The following D2HGDH variants were observed in gnomAD, a reference collection of about 807,000 sequenced individuals.
D2HGDH encodes the protein D-2-hydroxyglutarate dehydrogenase, mitochondrial.
In D2HGDH, 31 loss-of-function variants were observed where a neutral mutation model predicts 46.9. That is an observed-to-expected ratio of 0.66 (90% CI 0.50 to 0.89). The LOEUF (loss-of-function observed/expected upper bound fraction) is 0.89, where lower values mean the gene tolerates loss of function less well. Among genes scored for constraint, D2HGDH ranks in the 40% least tolerant of loss-of-function variants. The pLI is 0.00. For synonymous variants in D2HGDH, 364 were observed against 332.6 expected (o/e 1.09, Z -1.03); for missense variants, 698 against 720.8 (o/e 0.97, Z 0.36).
At chr2:241,745,416 G>A (rs899016799) in intron 6 of D2HGDH, among the ~76,000 whole-genome samples, 7 of 152,136 alleles carry the variant, frequency 4.6e-5, no homozygotes, top group Admixed American at 1.3e-4. Flanking sequence ...TGAATCGGGC[G>A]GGTTTATCCA....
At chr2:241,735,640 G>A in intron 2 of D2HGDH, 124 bp downstream of exon 2, 1 of 1,356,456 alleles carries the variant, frequency 7.4e-7, no homozygotes, top group Non-Finnish European at 1.0e-6. Context: ...TGCGCTGAGA[G>A]GGGCGTGTGC....
Position 241,748,826 on chromosome 2 carries a change from G to A in D2HGDH, c.854-1325G>A, listed in dbSNP as rs1575269089. 3.3e-6 allele frequency: 4 copies of A among 1,203,146 alleles called. 1 individual carries two copies. The South Asian group carries it at 5.8e-5, about 17-fold the overall frequency. 74.5% of individuals were successfully genotyped at this position (1,203,146 alleles called of 1,614,324 possible). A position where few individuals can be genotyped will look rare whatever the true frequency, so the allele number is the denominator to read the frequency against. The stretch of plus-strand genomic sequence containing the variant: ...TGGATCGGTGGTTCCTCTTCATCCA[G>A]GTTTTCTGTGTTCTGCTCTGATCCC... On this transcript the variant is annotated intron_variant, in intron 6 of 9. Coordinates refer to ENST00000321264, the MANE Select transcript of D2HGDH (RefSeq NM_152783.5).
intron 3 of D2HGDH, among the ~76,000 whole-genome samples, chr2:241,741,922 C>T (rs532225722): frequency 1.6e-4 from 25 of 152,290 alleles, no homozygotes; most frequent in Non-Finnish European, 3.2e-4. Context: ...TTCCTTTTCC[C>T]AGAGCACGGA....
chr2:241,750,400 G>GGGGGT, intron 7 of D2HGDH, 106 bp downstream of exon 7: 1 of 1,113,528 alleles, frequency 9.0e-7, no homozygotes, highest in Non-Finnish European at 1.3e-6. Flanking sequence ...TGCCCGGGCG[G>GGGGGT]GCGGGTGGGG....
Position 241,751,114 on chromosome 2 carries a change from G to A in D2HGDH, c.998-132G>A, listed in dbSNP as rs915514883. On this transcript the variant is annotated intron_variant, in intron 7 of 9. Transcript: ENST00000321264. ...GCTTAACCAGAGAGCTGTGTGCTCC[G>A]CAGGCTGCCTGGGTCCTTCTTGGCC... The A allele has an allele frequency of 2.0e-5, 25 of 1,257,824 alleles. No homozygotes were observed. The East Asian group carries it at 3.9e-4, about 20-fold the overall frequency. The allele number at this position is 1,257,824 out of a possible 1,614,324, so 77.9% of individuals were successfully genotyped here.
intron 9 of D2HGDH, among the ~76,000 whole-genome samples, chr2:241,764,316 C>T (rs1045284457): frequency 6.6e-6 from 1 of 152,202 alleles, no homozygotes; most frequent in Non-Finnish European, 1.5e-5. Context: ...GGGATGGACC[C>T]TGCAGCTACA....
rs1481039972 is a variant in D2HGDH at position 241,767,690 on chromosome 2, A to T, written c.1307-20A>T. On this transcript the variant is annotated intron_variant, in intron 9 of 9. Transcript: ENST00000321264. The stretch of plus-strand genomic sequence containing the variant: ...GGGGCTGCCCTGCCCAGCCTGACCC[A>T]TGTGCCCTTGTCCCTCCAGGAGATG... 6.2e-7 allele frequency: 1 copy of T among 1,612,352 alleles called. No individual in the cohort carries two copies. The highest frequency in any genetic ancestry group is 8.5e-7 in the Non-Finnish European group (1 of 1,179,412).
intron 9 of D2HGDH, among the ~76,000 whole-genome samples, chr2:241,756,926 C>A (rs1242160250): frequency 6.6e-6 from 1 of 152,092 alleles, no homozygotes; most frequent in Non-Finnish European, 1.5e-5. Context: ...GGCTTTGGGG[C>A]CTGACAGATA....
At chr2:241,736,526 T>G (rs1255443486) in intron 2 of D2HGDH, among the ~76,000 whole-genome samples, 1 of 151,828 alleles carries the variant, frequency 6.6e-6, no homozygotes, top group Non-Finnish European at 1.5e-5. Flanking sequence ...TCTGCCTCTG[T>G]TTTTCATACA....
chr2:241,735,585 C>T, intron 2 of D2HGDH, 69 bp downstream of exon 2: 1 of 1,583,354 alleles, frequency 6.3e-7, no homozygotes, highest in Non-Finnish European at 8.5e-7. Context: ...GTGGAGGCTT[C>T]AAAGCGGGCT....
chr2:241,735,172 C>G lies in D2HGDH; in HGVS notation c.-53C>G. 2 of 1,455,582 alleles carry G rather than the reference C, an allele frequency of 1.4e-6. No homozygotes were observed. The highest frequency in any genetic ancestry group is 1.8e-6 in the Non-Finnish European group (2 of 1,115,330). The allele number at this position is 1,455,582 out of a possible 1,614,324, so 90.2% of individuals were successfully genotyped here. On this transcript the variant is annotated 5_prime_UTR_variant, in exon 2 of 10. Transcript: ENST00000321264. ...GCTCCCTGCCCTTCCCCTCCGGGCC[C>G]TGAGTACCGGCCCCCCACCAAGGAG... is the stretch of plus-strand genomic sequence containing the variant.
In D2HGDH at chr2:241,746,744, C is replaced by T. The variant is rs184020446; in HGVS notation, c.853+1867C>T. Among the ~76,000 whole-genome samples, 201 of 152,022 alleles carry T rather than the reference C, an allele frequency of 1.3e-3. 1 individual carries two copies. The highest frequency in any genetic ancestry group is 9.8e-3 in the South Asian group (47 of 4,812). On this transcript the variant is annotated intron_variant, in intron 6 of 9. Transcript: ENST00000321264. ...CTCTACTAAAAATACAAAAATTAGC[C>T]GGGCATGGTGGTGGACGCCTGTAAT...
chr2:241,742,213 G>A lies in D2HGDH; in HGVS notation c.351-222G>A, dbSNP rs1227015152. Among the ~76,000 whole-genome samples, 2 of 152,160 alleles carry A rather than the reference G, an allele frequency of 1.3e-5. No individual in the cohort carries two copies. The highest frequency in any genetic ancestry group is 2.9e-5 in the Non-Finnish European group (2 of 68,022). ...GGAAGCCTTGTAGGACGTCAGAATC[G>A]GGGCCTCCACTTCCGTCTCCCTGTG... is the stretch of plus-strand genomic sequence containing the variant. On this transcript the variant is annotated intron_variant, in intron 3 of 9. Coordinates refer to ENST00000321264, the MANE Select transcript of D2HGDH (RefSeq NM_152783.5). The surrounding 1 kb of genome is among the most constrained non-coding windows in gnomAD (Gnocchi z 4.8).
chr2:241,741,673 C>T (rs896677413), intron 3 of D2HGDH, among the ~76,000 whole-genome samples: 10 of 132,160 alleles, frequency 7.6e-5, no homozygotes, highest in Non-Finnish European at 1.2e-4. Flanking sequence ...GTGGGGCTTG[C>T]TGTCTCCAGG....
intron 9 of D2HGDH, 49 bp from the exon 10 acceptor site, chr2:241,767,661 C>T: frequency 6.2e-7 from 1 of 1,610,458 alleles, no homozygotes; most frequent in Non-Finnish European, 8.5e-7. Flanking sequence ...GGAGTGGGGT[C>T]CTGGGGGCTG....
rs1302313894 is a variant in D2HGDH, at chr2:241,768,142, G to A, written c.*173G>A. 9.6e-7 allele frequency: 1 copy of A among 1,038,776 alleles called. No individual in the cohort carries two copies. The highest frequency in any genetic ancestry group is 1.4e-6 in the Non-Finnish European group (1 of 738,864). The allele number at this position is 1,038,776 out of a possible 1,614,324, so 64.3% of individuals were successfully genotyped here. A position where few individuals can be genotyped will look rare whatever the true frequency, so the allele number is the denominator to read the frequency against. On this transcript the variant is annotated 3_prime_UTR_variant, in exon 10 of 10. Transcript: ENST00000321264. ...GCCGGACGCAGGCCCTCGGGCAGGAGCATCTGGCAGAGTGGGGGGCGTGGC... is the reference window on the plus strand; with the variant it reads ...GCCGGACGCAGGCCCTCGGGCAGGAACATCTGGCAGAGTGGGGGGCGTGGC...
chr2:241,739,110 C>T (rs575066159), intron 2 of D2HGDH, among the ~76,000 whole-genome samples: 2 of 152,246 alleles, frequency 1.3e-5, no homozygotes, highest in African/African-American at 2.4e-5. Flanking sequence ...CCCCCATGGC[C>T]CCCTCCGTCT....
chr2:241,750,221 T>G lies in D2HGDH; in HGVS notation c.924T>G (p.Ser308=), dbSNP rs761427826. Reference sequence around the variant, plus strand: ...AGGGGATGCTGGGTGAGATCCTGTCTGCATTCGAGTTCATGGATGCTGTGT... The same window carrying G: ...AGGGGATGCTGGGTGAGATCCTGTCGGCATTCGAGTTCATGGATGCTGTGT... ...TCKGMLGEIL[S]AFEFMDAVCM... is the part of the protein sequence containing the mutation. The change falls in exon 7 of 10, where the codon TCT becomes TCG. Residue 308 remains serine, a synonymous_variant. Transcript: ENST00000321264. The G allele has an allele frequency of 1.5e-5, 25 of 1,614,004 alleles. No individual in the cohort carries two copies. In the African/African-American group the frequency reaches 2.8e-4, roughly 18 times the overall value.
intron 2 of D2HGDH, among the ~76,000 whole-genome samples, chr2:241,738,994 G>C (rs1243295914): frequency 2.0e-5 from 3 of 152,234 alleles, no homozygotes; most frequent in African/African-American, 7.2e-5. Flanking sequence ...CATTTGCTCA[G>C]GATGGATGCT....
Sources: gnomAD v4.1 joint callset for allele counts (sites outside exome capture counted in the v4.1 genomes callset) on GRCh38, gnomAD v4.1.1 for gene constraint, Gnocchi (gnomAD v3.1) non-coding constraint, MANE v1.5 for transcripts, NCBI Gene and HGNC (gene_info 2026-07-23, HGNC 2026-07-21) for gene names.